The following FSHR variants were observed in gnomAD, a reference collection of about 807,000 sequenced individuals.
The protein encoded by FSHR is follicle stimulating hormone receptor.
Under a neutral mutation model 52.1 loss-of-function variants are expected in FSHR, and 46 were observed. The observed-to-expected ratio is 0.88, with a 90% confidence interval of 0.70 to 1.13. The LOEUF (loss-of-function observed/expected upper bound fraction) is 1.13. FSHR is among the 50% of genes most tolerant of loss of function. The probability of loss-of-function intolerance (pLI) is 0.00; values close to 1 mark genes in which losing one functional copy is unlikely to be tolerated. For missense variants in FSHR, 964 were observed against 834.6 expected, an observed-to-expected ratio of 1.16 and a Z score of -1.91; for synonymous variants, 399 against 309.6, an observed-to-expected ratio of 1.29 and a Z score of -3.03.
intron 1 of FSHR, among the ~76,000 whole-genome samples, chr2:49,085,297 C>G (rs200666433): frequency 1.4e-5 from 2 of 139,544 alleles, no homozygotes; most frequent in East Asian, 2.1e-4. Context: ...ATTCAACAAC[C>G]TTCATGCTAA....
intron 5 of FSHR, 144 bp downstream of exon 5, chr2:48,990,422 A>T: frequency 1.4e-6 from 1 of 693,784 alleles, no homozygotes; most frequent in Non-Finnish European, 2.6e-6. Context: ...CAAGGACCTC[A>T]CTTCTGGCCT....
At chr2:49,024,422 A>G (rs1022927430) in intron 2 of FSHR, among the ~76,000 whole-genome samples, 3 of 152,118 alleles carry the variant, frequency 2.0e-5, no homozygotes, top group Admixed American at 2.0e-4. Flanking sequence ...TAAAAATACA[A>G]AATTAGTCAT....
intron 2 of FSHR, among the ~76,000 whole-genome samples, chr2:49,066,906 C>T (rs1306493579): frequency 2.6e-5 from 4 of 152,040 alleles, no homozygotes; most frequent in Non-Finnish European, 2.9e-5. Flanking sequence ...AAGGGAATCG[C>T]GAATACATCT....
chr2:49,027,795 A>C (rs1020915524), intron 2 of FSHR, among the ~76,000 whole-genome samples: 1 of 144,634 alleles, frequency 6.9e-6, no homozygotes, highest in Non-Finnish European at 1.5e-5. Context: ...GGTTGCAGTG[A>C]GCTGAGATTG....
chr2:49,105,263 C>T (rs550473143), intron 1 of FSHR, among the ~76,000 whole-genome samples: 1 of 152,184 alleles, frequency 6.6e-6, no homozygotes, highest in East Asian at 1.9e-4. Flanking sequence ...CTCCCCTTTG[C>T]CTTGGTGTGC....
Position 48,968,722 on chromosome 2 carries a change from G to A in FSHR, c.830C>T (p.Ala277Val). 1 of 1,614,142 alleles carries A rather than the reference G, an allele frequency of 6.2e-7. No homozygotes were observed. Among genetic ancestry groups the A allele is most frequent in the Admixed American group, 1.7e-5 (1 of 60,010 alleles). The part of the protein sequence containing the change: ...ASLTYPSHCC[A>V]FANWRRQISE... ...CATTTGCCGTCTCCAGTTTGCAAAG[G>A]CACAGCAATGGCTGGGATAGGTGAG... The change falls in exon 9 of 10, where the codon GCC becomes GTC. Residue 277 changes from alanine (A) to valine (V), a missense_variant. Ala to Val is a moderately conservative substitution (Grantham distance 64, BLOSUM62 0). Transcript: ENST00000406846.
At chr2:49,015,660 C>T (rs1040465900) in intron 4 of FSHR, among the ~76,000 whole-genome samples, 1 of 152,146 alleles carries the variant, frequency 6.6e-6, no homozygotes, top group Non-Finnish European at 1.5e-5. Flanking sequence ...ATGTTAGCCT[C>T]TGCAGAGAGC....
intron 2 of FSHR, among the ~76,000 whole-genome samples, chr2:49,053,589 T>C (rs550155406): frequency 5.3e-5 from 8 of 152,220 alleles, no homozygotes; most frequent in Non-Finnish European, 8.8e-5. Flanking sequence ...CTCAAAGCAA[T>C]GAAGAATAGG....
chr2:49,025,652 A>C (rs1039487520), intron 2 of FSHR, among the ~76,000 whole-genome samples: 1 of 152,218 alleles, frequency 6.6e-6, no homozygotes, highest in South Asian at 2.1e-4. Flanking sequence ...GACTAAATTC[A>C]TCTGCAGCTG....
At chr2:49,130,939 T>G (rs977249479) in intron 1 of FSHR, among the ~76,000 whole-genome samples, 1 of 152,134 alleles carries the variant, frequency 6.6e-6, no homozygotes, top group Non-Finnish European at 1.5e-5. Flanking sequence ...CAATTATGAT[T>G]CCGGGGAGGT....
At chr2:49,092,886 G>A (rs1450991600) in intron 1 of FSHR, among the ~76,000 whole-genome samples, 8 of 152,006 alleles carry the variant, frequency 5.3e-5, no homozygotes, top group East Asian at 1.9e-4. Flanking sequence ...GGCTGGTCTC[G>A]AACTCCTGAC....
intron 1 of FSHR, among the ~76,000 whole-genome samples, chr2:49,142,380 G>C (rs965315798): frequency 6.6e-6 from 1 of 152,164 alleles, no homozygotes; most frequent in African/African-American, 2.4e-5. Flanking sequence ...AGAGGAAAGA[G>C]AAAAATAGAT....
chr2:49,025,942 T>C (rs946506615), intron 2 of FSHR, among the ~76,000 whole-genome samples: 6 of 152,178 alleles, frequency 3.9e-5, no homozygotes, highest in Admixed American at 6.5e-5. Context: ...TGCTTTTCCC[T>C]TTAGGAGAGG....
Position 48,965,878 on chromosome 2 carries a change from C to T in FSHR, c.855-1912G>A, listed in dbSNP as rs115257945. The stretch of plus-strand genomic sequence containing the variant: ...ACCAAAGGACATCAAGTCTTGCCTC[C>T]GCAGTACTTTGGAAAATCCTAATTA... On this transcript the variant is annotated intron_variant, in intron 9 of 9. Coordinates refer to ENST00000406846, the MANE Select transcript of FSHR (RefSeq NM_000145.4). Among the ~76,000 whole-genome samples, 481 of 152,290 alleles carry T rather than the reference C, an allele frequency of 3.2e-3. 6 individuals carry two copies. Among genetic ancestry groups the T allele is most frequent in the African/African-American group, 0.011 (465 of 41,556 alleles).
intron 4 of FSHR, chr2:49,014,858 A>C (rs976615734): frequency 6.5e-6 from 3 of 462,858 alleles, no homozygotes; most frequent in African/African-American, 6.1e-5. Context: ...ATGCCTCTTC[A>C]TGTCCTAGAG....
chr2:49,108,412 C>T (rs1302107344), intron 1 of FSHR, among the ~76,000 whole-genome samples: 3 of 152,116 alleles, frequency 2.0e-5, no homozygotes, highest in South Asian at 4.1e-4. Flanking sequence ...AATACAGATA[C>T]ATATCCATAC....
At chr2:49,127,222 G>T (rs1426227436) in intron 1 of FSHR, among the ~76,000 whole-genome samples, 2 of 152,034 alleles carry the variant, frequency 1.3e-5, no homozygotes, top group African/African-American at 4.8e-5. Context: ...CAGCTACTTG[G>T]GAGGCTGAGG....
chr2:48,984,237 G>A (rs928471475), intron 6 of FSHR, among the ~76,000 whole-genome samples: 2 of 152,164 alleles, frequency 1.3e-5, no homozygotes, highest in African/African-American at 2.4e-5. Context: ...AATCCAGAAA[G>A]GGGCGAGGCA....
chr2:49,078,675 T>C (rs971561207), intron 1 of FSHR, among the ~76,000 whole-genome samples: 1 of 152,032 alleles, frequency 6.6e-6, no homozygotes, highest in Non-Finnish European at 1.5e-5. Flanking sequence ...ATGTATTTGA[T>C]AAAAATGGAA....
Sources: gnomAD v4.1 joint callset for allele counts (sites outside exome capture counted in the v4.1 genomes callset) on GRCh38, gnomAD v4.1.1 for gene constraint, MANE v1.5 for transcripts, NCBI Gene and HGNC (gene_info 2026-07-23, HGNC 2026-07-21) for gene names.